The following CC2D1A variants were observed in gnomAD, a reference collection of about 807,000 sequenced individuals.
The protein encoded by CC2D1A is coiled-coil and C2 domain containing 1A, also known as coiled-coil and C2 domain-containing protein 1A.
Under a neutral mutation model 123.8 loss-of-function variants are expected in CC2D1A, and 68 were observed. The observed-to-expected ratio is 0.55, with a 90% CI of 0.45 to 0.67. CC2D1A has a LOEUF of 0.67. CC2D1A is among the 30% of genes least tolerant of loss of function. CC2D1A has a pLI of 0.00. For missense variants in CC2D1A, 1,185 were observed against 1,290.3 expected (o/e 0.92, Z 1.25); for synonymous variants, 477 against 528.0 (o/e 0.90, Z 1.32).
chr19:13,914,925 A>G (rs1971151125), intron 6 of CC2D1A, among the ~76,000 whole-genome samples: 1 of 152,278 alleles, frequency 6.6e-6, no homozygotes, highest in Non-Finnish European at 1.5e-5. Context: ...TCTTTGTGAT[A>G]TGAACACGGG....
chr19:13,916,217 A>G (rs1386573705), intron 6 of CC2D1A, among the ~76,000 whole-genome samples: 1 of 152,108 alleles, frequency 6.6e-6, no homozygotes, highest in Non-Finnish European at 1.5e-5. Flanking sequence ...CGATCACACC[A>G]CTGCACTCCA....
chr19:13,916,268 C>A (rs1309413401), intron 6 of CC2D1A, among the ~76,000 whole-genome samples: 1 of 151,268 alleles, frequency 6.6e-6, no homozygotes, highest in Non-Finnish European at 1.5e-5. Flanking sequence ...ACAAACAAAC[C>A]AACCCAAAAA....
rs149129739 is a variant in CC2D1A, at chr19:13,927,753, G to A, written c.2317-140G>A. On this transcript the variant is annotated intron_variant, in intron 22 of 28. Coordinates refer to ENST00000318003, the MANE Select transcript of CC2D1A (RefSeq NM_017721.5). ...GCCCAGATTGCACCACTGCACTCCAGCCTGGACAACAGAGCGAGACTCTAT... is the reference window on the plus strand; with the variant it reads ...GCCCAGATTGCACCACTGCACTCCAACCTGGACAACAGAGCGAGACTCTAT... 2.7e-3 allele frequency: 2,407 copies of A among 900,380 alleles called. 39 individuals carry two copies. In the African/African-American group the frequency reaches 0.034, roughly 13 times the overall value. The allele number at this position is 900,380 out of a possible 1,614,324, so 55.8% of individuals were successfully genotyped here.
chr19:13,923,788 G>A lies in CC2D1A; in HGVS notation c.1917G>A (p.Glu639=). 1 of 1,613,942 alleles carries A rather than the reference G, an allele frequency of 6.2e-7. No homozygotes were observed. Among genetic ancestry groups the A allele is most frequent in the Non-Finnish European group, 8.5e-7 (1 of 1,179,828 alleles). ...RGLPTPTARF[E]QRTFSVIKIF... is the part of the protein sequence containing the mutation. ...TCCCCACGCCCACCGCCCGCTTTGA[G>A]CAAAGGACCTTCAGCGTCATCAAGT... Residue 639 remains glutamate, a synonymous_variant, in exon 17 of 29, where the codon GAG becomes GAA. Coordinates refer to ENST00000318003, the MANE Select transcript of CC2D1A (RefSeq NM_017721.5). The surrounding 1 kb of genome is among the most constrained non-coding windows in gnomAD (Gnocchi z 5.3).
rs1273245498 is a variant in CC2D1A at position 13,925,930 on chromosome 19, A to AT, written c.1941-587_1941-586insT. ...GCAAGACTCTGTCTAAAAAAAAAAA[A>AT]AAAATATATATATATATATATATAT... On this transcript the variant is annotated intron_variant, in intron 17 of 28. Transcript: ENST00000318003. 5.7e-4 allele frequency among the ~76,000 whole-genome samples: 60 copies of AT among 105,398 alleles called. 1 individual carries two copies. Among genetic ancestry groups the AT allele is most frequent in the African/African-American group, 2.3e-3 (53 of 22,838 alleles). The allele number at this position is 105,398 out of a possible 152,430, so 69.1% of individuals were successfully genotyped here. A position where few individuals can be genotyped will look rare whatever the true frequency, so the allele number is the denominator to read the frequency against.
At chr19:13,917,338 G>C (rs1014597100) in intron 6 of CC2D1A, among the ~76,000 whole-genome samples, 4 of 152,078 alleles carry the variant, frequency 2.6e-5, no homozygotes, top group African/African-American at 9.7e-5. Context: ...CGGGCATGCA[G>C]GTGCATGCTC....
chr19:13,914,570 G>A (rs1338729769), intron 6 of CC2D1A, among the ~76,000 whole-genome samples: 1 of 151,588 alleles, frequency 6.6e-6, no homozygotes, highest in South Asian at 2.1e-4. Context: ...TCCTGACCTT[G>A]TGATCTGCCT....
intron 6 of CC2D1A, among the ~76,000 whole-genome samples, chr19:13,915,077 G>T (rs1971157694): frequency 6.6e-6 from 1 of 152,200 alleles, no homozygotes; most frequent in African/African-American, 2.4e-5. Flanking sequence ...TTTTGACAAA[G>T]TTCAAGGATT....
chr19:13,924,686 T>C (rs1971531054), intron 17 of CC2D1A, among the ~76,000 whole-genome samples: 1 of 152,102 alleles, frequency 6.6e-6, no homozygotes, highest in African/African-American at 2.4e-5. Flanking sequence ...GCCAGGCTGG[T>C]CTCCTTAAAT....
At chr19:13,928,929 G>A (rs1054286704) in intron 24 of CC2D1A, among the ~76,000 whole-genome samples, 25 of 151,326 alleles carry the variant, frequency 1.7e-4, no homozygotes, top group Non-Finnish European at 2.8e-4. Flanking sequence ...GGCTGGTCTC[G>A]AACTCCCGAC....
intron 23 of CC2D1A, 42 bp downstream of exon 23, chr19:13,928,072 G>A: frequency 6.2e-7 from 1 of 1,613,000 alleles, no homozygotes; most frequent in Non-Finnish European, 8.5e-7. Context: ...CCCAGGGAGG[G>A]AAGCTTGGTT....
rs779671365 is a variant in CC2D1A, at chr19:13,909,855, C to G, written c.93C>G (p.Gly31=). The G allele has an allele frequency of 6.3e-7, 1 of 1,579,996 alleles. No individual in the cohort carries two copies. The highest frequency in any genetic ancestry group is 8.6e-7 in the Non-Finnish European group (1 of 1,159,730). The part of the protein sequence containing the change: ...LGLLVDLSPD[G]LMIPEDGAND... ...TGCTGGTTGACCTCTCCCCAGATGG[C>G]CTGATGATCCCTGAGGACGGGGCTA... The change falls in exon 2 of 29, where the codon GGC becomes GGG. Residue 31 remains glycine, a synonymous_variant. Coordinates refer to ENST00000318003, the MANE Select transcript of CC2D1A (RefSeq NM_017721.5).
At chr19:13,926,029 T>C (rs1395934991) in intron 17 of CC2D1A, among the ~76,000 whole-genome samples, 1 of 82,852 alleles carries the variant, frequency 1.2e-5, no homozygotes, top group African/African-American at 7.9e-5. Flanking sequence ...TATATATGTG[T>C]ATATATATAT....
chr19:13,926,960 CCCTCCTT>C lies in CC2D1A; in HGVS notation c.2126-11_2126-5del. ...GGCCTGACCCCACCCAACTTCCTCT[CCCTCCTT>C]CCTCCTGCAGAGTTCAAGGAGCAGT... is the stretch of plus-strand genomic sequence containing the variant. On this transcript the variant is annotated splice_polypyrimidine_tract_variant and intron_variant, in intron 20 of 28. Coordinates refer to ENST00000318003, the MANE Select transcript of CC2D1A (RefSeq NM_017721.5). 1 of 1,613,362 alleles carries C rather than the reference CCCTCCTT, an allele frequency of 6.2e-7. No homozygotes were observed. The highest frequency in any genetic ancestry group is 1.1e-5 in the South Asian group (1 of 91,050).
rs1971712809 is a variant in CC2D1A, at chr19:13,928,044, C to T, written c.2454+14C>T. ...GCTGTGCCCACAGTGAGACCCCCCA[C>T]CCCCACCCATCAGCAACCCCAGGGA... is the stretch of plus-strand genomic sequence containing the variant. On this transcript the variant is annotated intron_variant, in intron 23 of 28. Coordinates refer to ENST00000318003, the MANE Select transcript of CC2D1A (RefSeq NM_017721.5). 1 of 1,611,946 alleles carries T rather than the reference C, an allele frequency of 6.2e-7. No homozygotes were observed. The highest frequency in any genetic ancestry group is 1.3e-5 in the African/African-American group (1 of 74,588).
chr19:13,910,334 G>A (rs1259680856), intron 2 of CC2D1A, among the ~76,000 whole-genome samples: 1 of 151,016 alleles, frequency 6.6e-6, no homozygotes, highest in Non-Finnish European at 1.5e-5. Flanking sequence ...CGTGAACCAG[G>A]GAGGCGGAGC....
intron 6 of CC2D1A, among the ~76,000 whole-genome samples, chr19:13,914,641 CTT>C (rs747859570): frequency 1.6e-4 from 21 of 131,442 alleles, no homozygotes; most frequent in Admixed American, 2.3e-4. Flanking sequence ...GCCTCATCGC[CTT>C]TTTTTTTTTT....
Position 13,918,780 on chromosome 19 carries a change from G to A in CC2D1A, c.981G>A (p.Ser327=), listed in dbSNP as rs1206812799. Residue 327 remains serine (S), a synonymous_variant, in exon 9 of 29, where the codon TCG becomes TCA. Coordinates refer to ENST00000318003, the MANE Select transcript of CC2D1A (RefSeq NM_017721.5). ...QLPPDPPSPP[S]QPPTPATAPS... Reference sequence around the variant, plus strand: ...CCCCAGACCCACCGTCACCACCGTCGCAGCCTCCGACCCCCGCTACGGCGC... The same window carrying A: ...CCCCAGACCCACCGTCACCACCGTCACAGCCTCCGACCCCCGCTACGGCGC... 2 of 1,613,244 alleles carry A rather than the reference G, an allele frequency of 1.2e-6. No homozygotes were observed.
Position 13,927,066 on chromosome 19 carries a change from G to A in CC2D1A, c.2214G>A (p.Val738=). 2.5e-6 allele frequency: 4 copies of A among 1,614,070 alleles called. No individual in the cohort carries two copies. The highest frequency in any genetic ancestry group is 2.5e-6 in the Non-Finnish European group (3 of 1,179,984). ...AGACCAAGGGCATCAAGTTCGAAGT[G>A]GTTCACAAGGGGTGAGCTAGAGAGA... ...AIQTKGIKFE[V]VHKGGLFKTD... The change falls in exon 21 of 29, where the codon GTG becomes GTA. Residue 738 remains valine (V), a synonymous_variant. Coordinates refer to ENST00000318003, the MANE Select transcript of CC2D1A (RefSeq NM_017721.5).
Sources: gnomAD v4.1 joint callset for allele counts (sites outside exome capture counted in the v4.1 genomes callset) on GRCh38, gnomAD v4.1.1 for gene constraint, Gnocchi (gnomAD v3.1) non-coding constraint, MANE v1.5 for transcripts, NCBI Gene and HGNC (gene_info 2026-07-23, HGNC 2026-07-21) for gene names.